The following TRIM25 variants were observed in gnomAD, a reference collection of about 807,000 sequenced individuals.
TRIM25 encodes the protein tripartite motif containing 25, also known as E3 ubiquitin/ISG15 ligase TRIM25.
In TRIM25, 45 loss-of-function variants were observed where a neutral mutation model predicts 65.2. The ratio of observed to expected loss-of-function variants is 0.69; its 90% CI spans 0.54 to 0.89. The LOEUF (loss-of-function observed/expected upper bound fraction) is 0.89, where lower values mean the gene tolerates loss of function less well. Ranked by LOEUF, TRIM25 falls within the 40% of genes least tolerant of loss-of-function variation. TRIM25 has a pLI of 0.00. For synonymous variants in TRIM25, 321 were observed against 340.4 expected (o/e 0.94, Z 0.63); for missense variants, 714 against 803.7 (o/e 0.89, Z 1.35).
chr17:56,898,967 GC>G lies in TRIM25; in HGVS notation c.1153+147del, dbSNP rs1479903017. The G allele has an allele frequency of 3.8e-6, 3 of 790,546 alleles. No homozygotes were observed. In the East Asian group the frequency reaches 8.0e-5, roughly 21 times the overall value. The allele number at this position is 790,546 out of a possible 1,614,324, so 49.0% of individuals were successfully genotyped here. A position where few individuals can be genotyped will look rare whatever the true frequency, so the allele number is the denominator to read the frequency against. On this transcript the variant is annotated intron_variant, in intron 5 of 8. Coordinates refer to ENST00000316881, the MANE Select transcript of TRIM25 (RefSeq NM_005082.5). ...GCGGAGCTTCTGCCACAGCCCTACA[GC>G]CCCCCGCAGTGGGGACTGCCACCAA...
Position 56,891,593 on chromosome 17 carries a change from AT to A in TRIM25, c.*106del. On this transcript the variant is annotated 3_prime_UTR_variant, in exon 9 of 9. Coordinates refer to ENST00000316881, the MANE Select transcript of TRIM25 (RefSeq NM_005082.5). The stretch of plus-strand genomic sequence containing the variant: ...CGCCAGCTCCCCTCCCATGCTCCCA[AT>A]CCTTGGGACCTCTTGGGGAATTATC... 7.7e-7 allele frequency: 1 copy of A among 1,306,356 alleles called. No homozygotes were observed. Among genetic ancestry groups the A allele is most frequent in the Non-Finnish European group, 1.0e-6 (1 of 963,908 alleles). The allele number at this position is 1,306,356 out of a possible 1,614,324, so 80.9% of individuals were successfully genotyped here. A position where few individuals can be genotyped will look rare whatever the true frequency, so the allele number is the denominator to read the frequency against.
intron 1 of TRIM25, 110 bp from the exon 2 acceptor site, chr17:56,908,673 C>T (rs1439428125): frequency 5.6e-6 from 6 of 1,073,426 alleles, no homozygotes; most frequent in South Asian, 5.4e-5. Flanking sequence ...CCACTCCACC[C>T]AAGTCTTGCC....
chr17:56,910,630 G>A (rs1421475039), intron 1 of TRIM25, among the ~76,000 whole-genome samples: 1 of 152,160 alleles, frequency 6.6e-6, no homozygotes, highest in African/African-American at 2.4e-5. Context: ...ATCATGAATG[G>A]TGCCCACACG....
chr17:56,893,672 T>G (rs1208259692), intron 8 of TRIM25, among the ~76,000 whole-genome samples: 1 of 152,094 alleles, frequency 6.6e-6, no homozygotes, highest in African/African-American at 2.4e-5. Context: ...AGACGGAAAG[T>G]GGGAGGGCCC....
chr17:56,912,528 G>A (rs748534604), intron 1 of TRIM25, among the ~76,000 whole-genome samples: 5 of 152,080 alleles, frequency 3.3e-5, no homozygotes, highest in South Asian at 2.1e-4. Flanking sequence ...GGAACTCTCC[G>A]GCCCACCAAA....
At position 56,904,293 on chromosome 17, in the gene TRIM25, G is replaced by T; in HGVS notation, c.889C>A (p.Gln297Lys). Reference protein sequence around the residue: ...EIQTLKEEIEQSLTKRDEFEF... With the variant: ...EIQTLKEEIEKSLTKRDEFEF... ...AACTCATCCCTCTTGGTCAGGCTCT[G>T]TTCAATCTCCTCCTTCAAGGTCTGG... The change falls in exon 3 of 9, where the codon CAG becomes AAG. Residue 297 changes from glutamine (Q) to lysine (K), a missense_variant. By Grantham distance (53) the Gln-to-Lys change is moderately conservative. Around this residue, in one of 3 missense-constraint regions of TRIM25, gnomAD observed 413 missense variants for 498.2 expected, o/e 0.83. Coordinates refer to ENST00000316881, the MANE Select transcript of TRIM25 (RefSeq NM_005082.5). The T allele has an allele frequency of 6.2e-7, 1 of 1,613,702 alleles. No homozygotes were observed.
At chr17:56,899,084 T>C (rs1318453034) in intron 5 of TRIM25, 31 bp downstream of exon 5, 1 of 1,612,372 alleles carries the variant, frequency 6.2e-7, no homozygotes, top group Non-Finnish European at 8.5e-7. Flanking sequence ...AGCCATGCTG[T>C]TGCCATGGAG....
At chr17:56,908,601 T>C (rs1197587193) in intron 1 of TRIM25, 38 bp from the exon 2 acceptor site, 6 of 1,593,042 alleles carry the variant, frequency 3.8e-6, no homozygotes. Flanking sequence ...ATGCACCTCT[T>C]CAGCCCAGCC....
chr17:56,905,366 A>AAAAAT (rs1434828432), intron 2 of TRIM25, among the ~76,000 whole-genome samples: 1 of 152,196 alleles, frequency 6.6e-6, no homozygotes, highest in Non-Finnish European at 1.5e-5. Context: ...GCTATCTCAA[A>AAAAAT]AAAATAAAAT....
Position 56,891,040 on chromosome 17 carries a change from G to T in TRIM25, c.*660C>A. On this transcript the variant is annotated 3_prime_UTR_variant, in exon 9 of 9. Transcript: ENST00000316881. ...TGAAGCTTTAGCTGAAAAGTTTGCTGTTTGAAAACCATCAATGTGGGGGCG... is the reference window on the plus strand; with the variant it reads ...TGAAGCTTTAGCTGAAAAGTTTGCTTTTTGAAAACCATCAATGTGGGGGCG... The T allele has an allele frequency of 2.5e-6, 1 of 403,280 alleles. No individual in the cohort carries two copies. The allele number at this position is 403,280 out of a possible 1,614,324, so 25.0% of individuals were successfully genotyped here. A position where few individuals can be genotyped will look rare whatever the true frequency, so the allele number is the denominator to read the frequency against.
chr17:56,895,549 T>C lies in TRIM25; in HGVS notation c.1236A>G (p.Leu412=). 6.3e-7 allele frequency: 1 copy of C among 1,598,884 alleles called. No homozygotes were observed. The highest frequency in any genetic ancestry group is 2.2e-5 in the East Asian group (1 of 44,758). Reference sequence around the variant, plus strand: ...CCAAGCCAGCTTGTTTTAAATCCACTAACTGTTCCGGGGCTCCAAACGTGG... The same window carrying C: ...CCAAGCCAGCTTGTTTTAAATCCACCAACTGTTCCGGGGCTCCAAACGTGG... ...KLPTFGAPEQ[L]VDLKQAGLEA... Residue 412 remains leucine (L), a synonymous_variant, in exon 7 of 9, where the codon TTA becomes TTG. Transcript: ENST00000316881.
chr17:56,898,285 A>G (rs1051841865), intron 5 of TRIM25, among the ~76,000 whole-genome samples: 2 of 152,178 alleles, frequency 1.3e-5, no homozygotes, highest in Non-Finnish European at 2.9e-5. Flanking sequence ...TCAGCGGTAT[A>G]TGGACATGTC....
intron 4 of TRIM25, among the ~76,000 whole-genome samples, chr17:56,899,465 G>C (rs189619814): frequency 1.3e-5 from 2 of 152,214 alleles, no homozygotes; most frequent in East Asian, 3.9e-4. Flanking sequence ...TGGTTTCTTC[G>C]AGCACACAAT....
At chr17:56,907,199 A>C (rs1909538343) in intron 2 of TRIM25, among the ~76,000 whole-genome samples, 2 of 152,368 alleles carry the variant, frequency 1.3e-5, no homozygotes, top group African/African-American at 4.8e-5. Flanking sequence ...ATGAACCCTT[A>C]GTCTGGGTTA....
rs3887637 is a variant in TRIM25 at position 56,894,409 on chromosome 17, C to T, written c.1363+934G>A. Among the ~76,000 whole-genome samples the T allele has an allele frequency of 2.7e-3, 407 of 152,264 alleles. 1 individual carries two copies. The highest frequency in any genetic ancestry group is 8.5e-3 in the African/African-American group (355 of 41,554). ...GATTATAGGCATGTGCCACCACGCC[C>T]GGCTAATTTTTTGTATTTTTAGTAG... On this transcript the variant is annotated intron_variant, in intron 8 of 8. Coordinates refer to ENST00000316881, the MANE Select transcript of TRIM25 (RefSeq NM_005082.5).
Position 56,901,509 on chromosome 17 carries a change from G to C in TRIM25, c.997C>G (p.Leu333Val). 6.2e-7 allele frequency: 1 copy of C among 1,614,160 alleles called. No individual in the cohort carries two copies. Among genetic ancestry groups the C allele is most frequent in the Non-Finnish European group, 8.5e-7 (1 of 1,180,038 alleles). Reference sequence around the variant, plus strand: ...GTGCTCTGGTGGATGCCTTTTATCAGCTTGTGGTTCAGTTCCACCTCGGGG... The same window carrying C: ...GTGCTCTGGTGGATGCCTTTTATCACCTTGTGGTTCAGTTCCACCTCGGGG... Reference protein sequence around the residue: ...YIPEVELNHKLIKGIHQSTID... With the variant: ...YIPEVELNHKVIKGIHQSTID... The change falls in exon 4 of 9, where the codon CTG (leucine) becomes GTG (valine). Residue 333 changes from leucine (L) to valine (V), a missense_variant. This residue lies in a region of TRIM25 where 413 missense variants were observed against 498.2 expected (regional missense o/e 0.83). Coordinates refer to ENST00000316881, the MANE Select transcript of TRIM25 (RefSeq NM_005082.5).
At chr17:56,898,942 G>T in intron 5 of TRIM25, 173 bp downstream of exon 5, 1 of 649,364 alleles carries the variant, frequency 1.5e-6, no homozygotes, top group Non-Finnish European at 2.7e-6. Flanking sequence ...CTGATGGACA[G>T]CGGAGCTTCT....
In TRIM25 at chr17:56,890,997, C is replaced by A; in HGVS notation, c.*703G>T. The A allele has an allele frequency of 2.3e-6, 1 of 434,676 alleles. No homozygotes were observed. Among genetic ancestry groups the A allele is most frequent in the South Asian group, 1.6e-5 (1 of 62,606 alleles). 26.9% of individuals were successfully genotyped at this position (434,676 alleles called of 1,614,324 possible). A position where few individuals can be genotyped will look rare whatever the true frequency, so the allele number is the denominator to read the frequency against. The stretch of plus-strand genomic sequence containing the variant: ...CCCTGAATCACAAATCCAACACAGG[C>A]TGATTCCAATCATGGTTTGAAGCTT... On this transcript the variant is annotated 3_prime_UTR_variant, in exon 9 of 9. Coordinates refer to ENST00000316881, the MANE Select transcript of TRIM25 (RefSeq NM_005082.5).
rs889140623 is a variant in TRIM25, at chr17:56,895,256, G to C, written c.1363+87C>G. ...GTGAAGGGGAGTGGCTGATATAGCC[G>C]GCCAGCTGGCCTCACAGAGAGCTGC... On this transcript the variant is annotated intron_variant, in intron 8 of 8. Transcript: ENST00000316881. 6 of 1,039,406 alleles carry C rather than the reference G, an allele frequency of 5.8e-6. No individual in the cohort carries two copies. The Admixed American group carries it at 8.2e-5, about 14-fold the overall frequency. The allele number at this position is 1,039,406 out of a possible 1,614,324, so 64.4% of individuals were successfully genotyped here.
Sources: gnomAD v4.1 joint callset for allele counts (sites outside exome capture counted in the v4.1 genomes callset) on GRCh38, gnomAD v4.1.1 for gene constraint, gnomAD v4.1.1 regional missense constraint, MANE v1.5 for transcripts, NCBI Gene and HGNC (gene_info 2026-07-23, HGNC 2026-07-21) for gene names.